Variants in AATK observed in about 807,000 individuals in gnomAD.
AATK encodes the protein serine/threonine-protein kinase LMTK1.
AATK carries 91 observed loss-of-function variants against 114.3 expected under a neutral mutation model. The observed-to-expected ratio is 0.80, with a 90% CI of 0.67 to 0.95. The LOEUF is 0.95. AATK is among the 40% of genes least tolerant of loss of function. The probability of loss-of-function intolerance (pLI) is 0.00; values close to 1 mark genes in which losing one functional copy is unlikely to be tolerated. For missense variants in AATK, 2,176 were observed against 1,965.2 expected (o/e 1.11, Z -2.03); for synonymous variants, 1,075 against 916.5 (o/e 1.17, Z -3.12).
intron 1 of AATK, among the ~76,000 whole-genome samples, chr17:81,153,586 C>T (rs756824090): frequency 1.3e-5 from 2 of 152,122 alleles, no homozygotes; most frequent in Non-Finnish European, 2.9e-5. Context: ...AATACTCGTG[C>T]GTATGGCAGG....
chr17:81,142,884 C>A (rs1355697405), intron 1 of AATK, among the ~76,000 whole-genome samples: 3 of 152,202 alleles, frequency 2.0e-5, no homozygotes, highest in Non-Finnish European at 4.4e-5. Flanking sequence ...GACCCTCACG[C>A]CCACCAGGTG....
rs1326209980 is a variant in AATK at position 81,119,360 on chromosome 17, C to T, written c.4084+20G>A. 1 of 511,520 alleles carries T rather than the reference C, an allele frequency of 2.0e-6. No individual in the cohort carries two copies. The highest frequency in any genetic ancestry group is 2.9e-6 in the Non-Finnish European group (1 of 348,376). 31.7% of individuals were successfully genotyped at this position (511,520 alleles called of 1,614,324 possible). On this transcript the variant is annotated intron_variant, in intron 13 of 13. Transcript: ENST00000326724. ...CTGCCTCCCGCGTGCCCTTCTGCCA[C>T]AGCCCCGCCCAGGCCTCACCTCTCT...
chr17:81,153,983 A>G (rs1326838065), intron 1 of AATK, among the ~76,000 whole-genome samples: 1 of 152,140 alleles, frequency 6.6e-6, no homozygotes, highest in Non-Finnish European at 1.5e-5. Flanking sequence ...AGGCAGGAGA[A>G]TTGCTTGAAC....
intron 3 of AATK, chr17:81,129,028 C>T (rs2060891051): frequency 1.8e-6 from 1 of 557,488 alleles, no homozygotes; most frequent in South Asian, 6.6e-5. Context: ...ACGGAGCACA[C>T]TGGCCCATTC....
Position 81,121,921 on chromosome 17 carries a change from G to C in AATK, c.2015C>G (p.Ala672Gly), listed in dbSNP as rs369359391. ...DELEEVGARRAAQRGHWRSNV... is the reference protein window; with the variant it reads ...DELEEVGARRGAQRGHWRSNV... ...GGAGCGCCAGTGCCCGCGCTGGGCG[G>C]CCCTCCGCGCTCCCACCTCCTCTAG... The change falls in exon 11 of 14, where the codon GCC (alanine) becomes GGC (glycine). Residue 672 changes from alanine (A) to glycine (G), a missense_variant. Around this residue, in one of 4 missense-constraint regions of AATK, gnomAD observed 1,701 missense variants for 1,394.7 expected, o/e 1.22. Transcript: ENST00000326724. The C allele has an allele frequency of 2.7e-5, 44 of 1,600,278 alleles. No homozygotes were observed. The highest frequency in any genetic ancestry group is 3.7e-5 in the Non-Finnish European group (44 of 1,178,482).
At chr17:81,151,730 TCA>T (rs2061301548) in intron 1 of AATK, among the ~76,000 whole-genome samples, 2 of 152,080 alleles carry the variant, frequency 1.3e-5, no homozygotes, top group African/African-American at 4.8e-5. Flanking sequence ...ATCCCCAAAA[TCA>T]CAGTCACCAG....
In AATK at chr17:81,131,190, C is replaced by G; in HGVS notation, c.205G>C (p.Glu69Gln). Residue 69 changes from glutamate (E) to glutamine (Q), a missense_variant, in exon 3 of 14, where the codon GAG (glutamate) becomes CAG (glutamine). Physicochemically the swap from Glu to Gln is conservative, Grantham distance 29 (BLOSUM62 2). This residue lies in a region of AATK where 178 missense variants were observed against 175.4 expected (regional missense o/e 1.01). Coordinates refer to ENST00000326724, the MANE Select transcript of AATK (RefSeq NM_001080395.3). ...AGGTCGGCTGCGTACTCGTCCCCCT[C>G]CGCATTCTCAAACTCCTGCGGGCCG... ...GIGFKEFENAEGDEYAADLAQ... is the reference protein window; with the variant it reads ...GIGFKEFENAQGDEYAADLAQ... 1.3e-6 allele frequency: 2 copies of G among 1,581,072 alleles called. No individual in the cohort carries two copies. The highest frequency in any genetic ancestry group is 1.7e-6 in the Non-Finnish European group (2 of 1,166,180).
chr17:81,125,082 G>A (rs1272166789), intron 7 of AATK, 68 bp from the exon 8 acceptor site: 3 of 1,041,772 alleles, frequency 2.9e-6, no homozygotes, highest in East Asian at 2.7e-5. Context: ...TGGGGGCAGG[G>A]GGAGGGTCAG....
rs768043105 is a variant in AATK, at chr17:81,125,001, G to T, written c.769C>A (p.Arg257=). Residue 257 remains arginine (R), a synonymous_variant, in exon 8 of 14, where the codon CGG becomes AGG. Coordinates refer to ENST00000326724, the MANE Select transcript of AATK (RefSeq NM_001080395.3). ...NNFVHSDLAL[R]NCLLTADLTV... is the part of the protein sequence containing the mutation. ...AGGTCAGCCGTGAGCAGGCAGTTCC[G>T]CAGGGCCAGGTCGCTGCAGGCAGGG... The T allele has an allele frequency of 3.0e-5, 47 of 1,566,246 alleles. No homozygotes were observed. The South Asian group carries it at 4.5e-4, about 15-fold the overall frequency.
chr17:81,138,633 A>T (rs1291072575), intron 1 of AATK, among the ~76,000 whole-genome samples: 1 of 125,066 alleles, frequency 8.0e-6, no homozygotes, highest in Non-Finnish European at 1.7e-5. Flanking sequence ...CCACACACAT[A>T]TCCACACATC....
At chr17:81,135,191 C>T (rs2060991567) in intron 1 of AATK, among the ~76,000 whole-genome samples, 1 of 152,222 alleles carries the variant, frequency 6.6e-6, no homozygotes, top group African/African-American at 2.4e-5. Context: ...GGGGAACTGA[C>T]AGTACAGCAT....
chr17:81,124,685 C>A, intron 9 of AATK, 42 bp downstream of exon 9: 4 of 1,599,868 alleles, frequency 2.5e-6, no homozygotes, highest in Non-Finnish European at 3.4e-6. Context: ...GCAGGTGGCA[C>A]TCGGCCTCGG....
intron 2 of AATK, chr17:81,132,019 C>CT (rs756268867): frequency 2.5e-5 from 33 of 1,305,078 alleles, no homozygotes; most frequent in Non-Finnish European, 3.1e-5. Context: ...GGGCCACTCC[C>CT]TGCCAGGCTG....
At chr17:81,125,424 T>A in intron 7 of AATK, 1 of 470,238 alleles carries the variant, frequency 2.1e-6, no homozygotes, top group Non-Finnish European at 4.5e-6. Flanking sequence ...AACTGAGGCC[T>A]GGAGTGTCCC....
In AATK at chr17:81,124,326, G is replaced by A. The variant is rs528983307; in HGVS notation, c.962+401C>T. Among the ~76,000 whole-genome samples, 247 of 152,286 alleles carry A rather than the reference G, an allele frequency of 1.6e-3. 1 individual carries two copies. Among genetic ancestry groups the A allele is most frequent in the Non-Finnish European group, 2.8e-3 (189 of 67,998 alleles). On this transcript the variant is annotated intron_variant, in intron 9 of 13. Transcript: ENST00000326724. ...CTCAGGATAGGGGCTTCCAGGCTGC[G>A]GCCGTGGGAGATCCCAGCACCACCG...
chr17:81,127,501 G>C, intron 6 of AATK, 82 bp downstream of exon 6: 2 of 1,375,740 alleles, frequency 1.5e-6, no homozygotes, highest in South Asian at 1.2e-5. Flanking sequence ...CCCCCAAGGA[G>C]GGGGTGGCAC....
Position 81,121,309 on chromosome 17 carries a change from C to T in AATK, c.2627G>A (p.Ser876Asn), listed in dbSNP as rs532042515. The part of the protein sequence containing the change: ...ATSGIFTDTS[S>N]DGLQARRPDV... ...CGGCCTCCTGGCCTGCAGGCCGTCG[C>T]TGGACGTGTCGGTGAAGATGCCTGA... The change falls in exon 11 of 14, where the codon AGC becomes AAC. Residue 876 changes from serine to asparagine, a missense_variant. By Grantham distance (46) the Ser-to-Asn change is conservative (BLOSUM62 1). Coordinates refer to ENST00000326724, the MANE Select transcript of AATK (RefSeq NM_001080395.3). 49 of 1,611,634 alleles carry T rather than the reference C, an allele frequency of 3.0e-5. No individual in the cohort carries two copies. The East Asian group carries it at 1.0e-3, about 34-fold the overall frequency.
intron 2 of AATK, chr17:81,132,082 T>A (rs938794989): frequency 8.2e-7 from 1 of 1,226,784 alleles, no homozygotes; most frequent in East Asian, 5.8e-5. Flanking sequence ...CACCCCCAAG[T>A]CCAGGGCACA....
intron 1 of AATK, among the ~76,000 whole-genome samples, chr17:81,156,872 C>T (rs760790154): frequency 9.0e-4 from 137 of 152,162 alleles, no homozygotes; most frequent in Non-Finnish European, 1.0e-3. Flanking sequence ...CGGCCCTGAT[C>T]GCCAGTCAGG....
Sources: gnomAD v4.1 joint callset for allele counts (sites outside exome capture counted in the v4.1 genomes callset) on GRCh38, gnomAD v4.1.1 for gene constraint, gnomAD v4.1.1 regional missense constraint, MANE v1.5 for transcripts, NCBI Gene and HGNC (gene_info 2026-07-23, HGNC 2026-07-21) for gene names.